Variants in PAX5 observed in about 807,000 individuals in gnomAD.
PAX5 encodes paired box 5, also known as paired box protein Pax-5.
PAX5 carries 9 observed loss-of-function variants against 43.7 expected under a neutral mutation model. The ratio of observed to expected loss-of-function variants is 0.21; its 90% CI spans 0.12 to 0.36. The LOEUF is 0.36. Ranked by LOEUF, PAX5 falls within the 10% of genes least tolerant of loss-of-function variation. The pLI, the probability that PAX5 is intolerant of heterozygous loss-of-function variation, is 1.00. For missense variants in PAX5, 383 were observed against 532.7 expected, an observed-to-expected ratio of 0.72 and a Z score of 2.77; for synonymous variants, 228 against 214.3, an observed-to-expected ratio of 1.06 and a Z score of -0.56.
chr9:36,857,293 G>T (rs1823772543), intron 8 of PAX5, among the ~76,000 whole-genome samples: 1 of 152,166 alleles, frequency 6.6e-6, no homozygotes, highest in South Asian at 2.1e-4. Context: ...TTGACTTGGG[G>T]ACTATGTTTC....
At chr9:36,949,286 TC>T (rs1330144523) in intron 6 of PAX5, among the ~76,000 whole-genome samples, 1 of 152,110 alleles carries the variant, frequency 6.6e-6, no homozygotes, top group Non-Finnish European at 1.5e-5. Context: ...GGCCTCGATC[TC>T]CTGACCTCAT....
intron 7 of PAX5, among the ~76,000 whole-genome samples, chr9:36,890,789 A>G (rs1373313840): frequency 6.6e-6 from 1 of 152,196 alleles, no homozygotes; most frequent in East Asian, 1.9e-4. Context: ...AAAGGAGGAT[A>G]AGCATAAGGC....
At chr9:36,856,874 C>A (rs928660938) in intron 8 of PAX5, among the ~76,000 whole-genome samples, 2 of 152,162 alleles carry the variant, frequency 1.3e-5, no homozygotes, top group Admixed American at 6.5e-5. Context: ...TCCTTAGCAC[C>A]TTTTCTCTGC....
chr9:36,931,960 T>C (rs1213634597), intron 6 of PAX5, among the ~76,000 whole-genome samples: 2 of 151,924 alleles, frequency 1.3e-5, no homozygotes, highest in East Asian at 3.9e-4. Flanking sequence ...GATGTGATAG[T>C]GGTGTGGTTA....
chr9:36,853,219 G>T (rs1230757371), intron 8 of PAX5, among the ~76,000 whole-genome samples: 4 of 137,398 alleles, frequency 2.9e-5, no homozygotes, highest in African/African-American at 9.8e-5. Context: ...TTCATTACTT[G>T]TTTACTAGTT....
At chr9:36,900,681 G>T (rs955395365) in intron 7 of PAX5, among the ~76,000 whole-genome samples, 2 of 152,014 alleles carry the variant, frequency 1.3e-5, no homozygotes, top group African/African-American at 4.8e-5. Flanking sequence ...AGCCACCCTG[G>T]TTTCCCAGAG....
intron 7 of PAX5, among the ~76,000 whole-genome samples, chr9:36,899,444 C>A (rs1472387818): frequency 6.6e-6 from 1 of 152,208 alleles, no homozygotes; most frequent in African/African-American, 2.4e-5. Flanking sequence ...AATGCCTAGG[C>A]TCATTCTTTC....
chr9:36,943,188 C>T (rs1050346498), intron 6 of PAX5, among the ~76,000 whole-genome samples: 2 of 152,152 alleles, frequency 1.3e-5, no homozygotes, highest in African/African-American at 2.4e-5. Flanking sequence ...CCTTGACTTA[C>T]GGGTCCATCA....
At position 37,023,209 on chromosome 9, in the gene PAX5, T is replaced by C. The variant is rs529368715; in HGVS notation, c.47-2408A>G. On this transcript the variant is annotated intron_variant, in intron 1 of 9. Transcript: ENST00000358127. ...GGGAAAAGGAATGGAGAAGCTAGAA[T>C]AGGCCAAGAAAAGAAAGACGAAGGT... 4.6e-5 allele frequency among the ~76,000 whole-genome samples: 7 copies of C among 151,662 alleles called. No homozygotes were observed. The East Asian group carries it at 1.2e-3, about 25-fold the overall frequency.
intron 6 of PAX5, among the ~76,000 whole-genome samples, chr9:36,957,450 C>A (rs10973140): frequency 6.6e-6 from 1 of 152,034 alleles, no homozygotes; most frequent in Non-Finnish European, 1.5e-5. Context: ...CAAATCAATA[C>A]CTTGTCCATT....
intron 5 of PAX5, among the ~76,000 whole-genome samples, chr9:36,979,651 G>T (rs1045875089): frequency 6.6e-6 from 1 of 152,134 alleles, no homozygotes; most frequent in Admixed American, 6.5e-5. Flanking sequence ...GCCTGCCCAG[G>T]GTCACACAGC....
At chr9:36,921,104 C>A (rs998786412) in intron 7 of PAX5, among the ~76,000 whole-genome samples, 1 of 152,118 alleles carries the variant, frequency 6.6e-6, no homozygotes, top group Non-Finnish European at 1.5e-5. Context: ...TGAGCCACTG[C>A]GCCCAGCCAG....
intron 7 of PAX5, among the ~76,000 whole-genome samples, chr9:36,920,221 G>GGTA (rs2131951639): frequency 6.6e-6 from 1 of 152,276 alleles, no homozygotes; most frequent in Admixed American, 6.5e-5. Flanking sequence ...TAGTTGGTAG[G>GGTA]GTAGTGGCAA....
chr9:36,950,275 A>T (rs1419665986), intron 6 of PAX5, among the ~76,000 whole-genome samples: 3 of 152,210 alleles, frequency 2.0e-5, no homozygotes, highest in African/African-American at 7.2e-5. Context: ...ATTGACACTG[A>T]GCTGGACTAT....
intron 7 of PAX5, among the ~76,000 whole-genome samples, chr9:36,886,527 G>A (rs60707075): frequency 0.26 from 38,832 of 151,992 alleles, 5,729 homozygotes; most frequent in South Asian, 0.35. Context: ...TAGGCATGTC[G>A]CCAGGGTTGG....
chr9:37,005,023 A>G (rs1290674517), intron 4 of PAX5, among the ~76,000 whole-genome samples: 2 of 152,262 alleles, frequency 1.3e-5, no homozygotes, highest in African/African-American at 4.8e-5. Context: ...GACCTACAGT[A>G]GAATTATTCT....
intron 8 of PAX5, among the ~76,000 whole-genome samples, chr9:36,850,834 C>T (rs887880178): frequency 1.3e-5 from 2 of 152,202 alleles, no homozygotes; most frequent in African/African-American, 2.4e-5. Flanking sequence ...AACAACAAAA[C>T]ACGTGCCTCC....
intron 7 of PAX5, among the ~76,000 whole-genome samples, chr9:36,901,336 A>G (rs542973446): frequency 3.2e-4 from 49 of 151,894 alleles, no homozygotes; most frequent in African/African-American, 1.1e-3. Context: ...ATTCCTGCTC[A>G]TTTCCGTGTG....
intron 8 of PAX5, among the ~76,000 whole-genome samples, chr9:36,877,932 A>T (rs1826064499): frequency 6.6e-6 from 1 of 152,246 alleles, no homozygotes; most frequent in South Asian, 2.1e-4. Flanking sequence ...GAGAAGAGGC[A>T]GATTCGACAC....
Sources: allele counts gnomAD v4.1 joint callset (sites outside exome capture counted in the v4.1 genomes callset), GRCh38; gene constraint gnomAD v4.1.1; transcripts MANE v1.5; gene names NCBI Gene and HGNC (gene_info 2026-07-23, HGNC 2026-07-21).